Variants in ZDHHC21 observed in about 807,000 individuals in gnomAD.
The protein encoded by ZDHHC21 is zDHHC palmitoyltransferase 21, also known as palmitoyltransferase ZDHHC21.
Under a neutral mutation model 34.6 loss-of-function variants are expected in ZDHHC21, and 15 were observed. The ratio of observed to expected loss-of-function variants is 0.43; its 90% CI spans 0.29 to 0.67. ZDHHC21 has a LOEUF of 0.67. Among genes scored for constraint, ZDHHC21 ranks in the 30% least tolerant of loss-of-function variants. The pLI is 0.14. For synonymous variants in ZDHHC21, 142 were observed against 101.8 expected (o/e 1.40, Z -2.38); for missense variants, 344 against 327.7 (o/e 1.05, Z -0.38).
intron 2 of ZDHHC21, among the ~76,000 whole-genome samples, chr9:14,686,506 CTTT>C (rs1420642645): frequency 6.6e-6 from 1 of 152,194 alleles, no homozygotes; most frequent in East Asian, 1.9e-4. Context: ...TTTCTTTTCC[CTTT>C]ATACATTTGT....
intron 7 of ZDHHC21, among the ~76,000 whole-genome samples, chr9:14,653,687 T>C (rs1831658300): frequency 6.6e-6 from 1 of 151,914 alleles, no homozygotes; most frequent in Admixed American, 6.6e-5. Flanking sequence ...CCACAGAAGT[T>C]TTGCACTGCA....
the ZDHHC21 span, among the ~76,000 whole-genome samples, chr9:14,591,441 T>C: frequency 9.2e-5 from 14 of 152,140 alleles, no homozygotes; most frequent in African/African-American, 2.9e-4. Flanking sequence ...TGCTGGAGCC[T>C]TGATCTTAGA....
intron 7 of ZDHHC21, among the ~76,000 whole-genome samples, chr9:14,650,418 ATTC>A (rs1385651058): frequency 6.6e-6 from 1 of 151,982 alleles, no homozygotes. Context: ...ACTCTTGGCT[ATTC>A]TTTCCAAAAA....
At chr9:14,644,062 TTC>T in intron 7 of ZDHHC21, among the ~76,000 whole-genome samples, 1 of 152,322 alleles carries the variant, frequency 6.6e-6, no homozygotes, top group Admixed American at 6.5e-5. Flanking sequence ...GTATAATATA[TTC>T]TCTCCATTAC....
At chr9:14,637,003 G>C (rs1828421196) in intron 8 of ZDHHC21, among the ~76,000 whole-genome samples, 1 of 151,866 alleles carries the variant, frequency 6.6e-6, no homozygotes, top group Non-Finnish European at 1.5e-5. Flanking sequence ...AACCAGAAAA[G>C]CAAGAATGAA....
At chr9:14,684,302 C>G (rs997935956) in intron 2 of ZDHHC21, among the ~76,000 whole-genome samples, 17 of 151,732 alleles carry the variant, frequency 1.1e-4, no homozygotes, top group African/African-American at 4.1e-4. Context: ...TTTAGAAAAC[C>G]CCATTGTCTC....
intron 7 of ZDHHC21, among the ~76,000 whole-genome samples, chr9:14,643,685 T>G (rs892515862): frequency 1.3e-5 from 2 of 152,212 alleles, no homozygotes; most frequent in African/African-American, 2.4e-5. Flanking sequence ...CTAATTCACA[T>G]AGAATTATTA....
intron 1 of ZDHHC21, among the ~76,000 whole-genome samples, chr9:14,692,002 A>G (rs552496884): frequency 6.6e-6 from 1 of 152,330 alleles, no homozygotes; most frequent in East Asian, 1.9e-4. Context: ...CCACAGCTGG[A>G]TAGTGACAGA....
rs192356411 is a variant in ZDHHC21, at chr9:14,615,591, G to A, written c.*3375C>T. 2.0e-5 allele frequency: 3 copies of A among 151,552 alleles called. No individual in the cohort carries two copies. Among genetic ancestry groups the A allele is most frequent in the Non-Finnish European group, 4.4e-5 (3 of 67,690 alleles). 9.4% of individuals were successfully genotyped at this position (151,552 alleles called of 1,614,324 possible). On this transcript the variant is annotated 3_prime_UTR_variant, in exon 10 of 10. Transcript: ENST00000380916. ...TCAGCTAACTTGATATTTTTAAACT[G>A]TAAGTCTGGGTTACAAAGTACCAAC...
In ZDHHC21 at chr9:14,687,176, C is replaced by G. The variant is rs184007440; in HGVS notation, c.-176+3161G>C. ...GCAAAATAGTAGTTTCTGTCAGTAA[C>G]GTTAGTAGGTTATAGCACAGGCCAA... On this transcript the variant is annotated intron_variant, in intron 2 of 9. Coordinates refer to ENST00000380916, the MANE Select transcript of ZDHHC21 (RefSeq NM_178566.6). Among the ~76,000 whole-genome samples, 207 of 150,676 alleles carry G rather than the reference C, an allele frequency of 1.4e-3. 16 individuals are homozygous for G. Among genetic ancestry groups the G allele is most frequent in the African/African-American group, 4.8e-3 (194 of 40,054 alleles).
chr9:14,646,296 A>C (rs1830268453), intron 7 of ZDHHC21, among the ~76,000 whole-genome samples: 1 of 152,204 alleles, frequency 6.6e-6, no homozygotes, highest in African/African-American at 2.4e-5. Flanking sequence ...TGATTCACTT[A>C]ACTGTTTTTA....
chr9:14,641,485 A>G (rs975370118), intron 7 of ZDHHC21, among the ~76,000 whole-genome samples: 1 of 152,248 alleles, frequency 6.6e-6, no homozygotes, highest in Non-Finnish European at 1.5e-5. Context: ...GACCATGGCA[A>G]TCATTCTTAT....
chr9:14,691,350 C>A (rs544267041), intron 1 of ZDHHC21, among the ~76,000 whole-genome samples: 1 of 152,312 alleles, frequency 6.6e-6, no homozygotes, highest in South Asian at 2.1e-4. Context: ...TATAACAGGT[C>A]CCTGGATTGT....
chr9:14,667,383 A>T (rs1834652772), intron 5 of ZDHHC21, among the ~76,000 whole-genome samples: 1 of 152,030 alleles, frequency 6.6e-6, no homozygotes, highest in Non-Finnish European at 1.5e-5. Flanking sequence ...AAAAGAGTCC[A>T]GGACCAGATG....
chr9:14,648,038 C>G (rs1486992102), intron 7 of ZDHHC21, among the ~76,000 whole-genome samples: 4 of 152,080 alleles, frequency 2.6e-5, no homozygotes, highest in African/African-American at 9.7e-5. Context: ...TTCCCAGAAA[C>G]TATTCTTCCG....
intron 5 of ZDHHC21, among the ~76,000 whole-genome samples, chr9:14,671,665 T>C (rs1247202931): frequency 6.6e-6 from 1 of 151,892 alleles, no homozygotes; most frequent in Non-Finnish European, 1.5e-5. Context: ...GCTCTAGTAA[T>C]GACAAAACCA....
At chr9:14,653,628 C>A (rs917760683) in intron 7 of ZDHHC21, among the ~76,000 whole-genome samples, 2 of 151,878 alleles carry the variant, frequency 1.3e-5, no homozygotes, top group African/African-American at 4.8e-5. Flanking sequence ...CCTATGAAGT[C>A]CACCATGAGT....
intron 7 of ZDHHC21, among the ~76,000 whole-genome samples, chr9:14,650,082 T>C (rs1830959719): frequency 6.6e-6 from 1 of 152,058 alleles, no homozygotes; most frequent in African/African-American, 2.4e-5. Flanking sequence ...TGAGGACATA[T>C]ACTCAGTCAA....
intron 7 of ZDHHC21, among the ~76,000 whole-genome samples, chr9:14,658,517 T>G (rs1435761077): frequency 8.9e-6 from 1 of 112,784 alleles, no homozygotes; most frequent in Non-Finnish European, 1.7e-5. Flanking sequence ...GTCGCCCAGG[T>G]TGGAGTGCAG....
Sources: allele counts gnomAD v4.1 joint callset (sites outside exome capture counted in the v4.1 genomes callset), GRCh38; gene constraint gnomAD v4.1.1; transcripts MANE v1.5; gene names NCBI Gene and HGNC (gene_info 2026-07-23, HGNC 2026-07-21).